ARHGEF28: variants seen among roughly 807,000 people sequenced by gnomAD.
The protein encoded by ARHGEF28 is Rho guanine nucleotide exchange factor 28.
Under a neutral mutation model 206.6 loss-of-function variants are expected in ARHGEF28, and 152 were observed. That is an observed-to-expected ratio of 0.74 (90% CI 0.64 to 0.84). The LOEUF (loss-of-function observed/expected upper bound fraction) is 0.84, where lower values mean the gene tolerates loss of function less well. ARHGEF28 is among the 40% of genes least tolerant of loss of function. The pLI is 0.00. For synonymous variants in ARHGEF28, 763 were observed against 776.4 expected (o/e 0.98, Z 0.29); for missense variants, 2,028 against 2,073.2 (o/e 0.98, Z 0.42).
intron 35 of ARHGEF28, among the ~76,000 whole-genome samples, chr5:73,932,659 C>G (rs1354568230): frequency 6.6e-6 from 1 of 152,012 alleles, no homozygotes; most frequent in Non-Finnish European, 1.5e-5. Context: ...TCTCATGACT[C>G]TAATTATATT....
At chr5:73,826,554 A>G (rs1423922280) in intron 9 of ARHGEF28, among the ~76,000 whole-genome samples, 1 of 152,154 alleles carries the variant, frequency 6.6e-6, no homozygotes, top group Non-Finnish European at 1.5e-5. Context: ...ATAACCAGTC[A>G]AGTAGGCCAC....
intron 9 of ARHGEF28, among the ~76,000 whole-genome samples, chr5:73,819,977 T>C (rs796256788): frequency 2.0e-5 from 3 of 152,324 alleles, no homozygotes; most frequent in African/African-American, 7.2e-5. Context: ...CTCTCGTTAC[T>C]GTATCACAGC....
intron 2 of ARHGEF28, among the ~76,000 whole-genome samples, chr5:73,705,110 C>A (rs955218575): frequency 6.6e-6 from 1 of 152,154 alleles, no homozygotes; most frequent in African/African-American, 2.4e-5. Context: ...CTACTTGTGT[C>A]CTGTGATCTC....
chr5:73,883,710 C>T (rs922631028), intron 23 of ARHGEF28, 57 bp from the exon 24 acceptor site: 1 of 1,133,214 alleles, frequency 8.8e-7, no homozygotes, highest in African/African-American at 1.6e-5. Context: ...GTTACATTCA[C>T]ACCTGAAAAG....
At chr5:73,864,902 T>C (rs1194275916) in intron 17 of ARHGEF28, 30 bp downstream of exon 17, 1 of 1,600,704 alleles carries the variant, frequency 6.2e-7, no homozygotes, top group Non-Finnish European at 8.5e-7. Context: ...TGAATATATA[T>C]GTGGCATGGT....
intron 2 of ARHGEF28, among the ~76,000 whole-genome samples, chr5:73,728,420 T>A (rs959903915): frequency 1.3e-5 from 2 of 152,144 alleles, no homozygotes; most frequent in Non-Finnish European, 2.9e-5. Context: ...TTCTTTCAAG[T>A]CAGATGTGCT....
chr5:73,915,902 A>G (rs1278566385), intron 35 of ARHGEF28, among the ~76,000 whole-genome samples: 1 of 152,234 alleles, frequency 6.6e-6, no homozygotes, highest in Non-Finnish European at 1.5e-5. Flanking sequence ...ATAGGCTAAA[A>G]TGTAAGTCAA....
chr5:73,876,666 C>T (rs1484576227), intron 22 of ARHGEF28, among the ~76,000 whole-genome samples: 729 of 135,552 alleles, frequency 5.4e-3, no homozygotes, highest in African/African-American at 8.2e-3. Context: ...TTTTCTGCAT[C>T]TATTGAGATA....
At chr5:73,659,299 G>A (rs537158387) in intron 1 of ARHGEF28, among the ~76,000 whole-genome samples, 1 of 152,292 alleles carries the variant, frequency 6.6e-6, no homozygotes, top group Non-Finnish European at 1.5e-5. Context: ...GGGAGGCCGA[G>A]GCAGACAGAT....
At chr5:73,802,425 T>G (rs1755194514) in intron 9 of ARHGEF28, among the ~76,000 whole-genome samples, 1 of 152,180 alleles carries the variant, frequency 6.6e-6, no homozygotes, top group African/African-American at 2.4e-5. Context: ...ATTACCTTTT[T>G]CTTTCATTTT....
chr5:73,760,836 G>T (rs1752564297), intron 4 of ARHGEF28, among the ~76,000 whole-genome samples: 1 of 152,042 alleles, frequency 6.6e-6, no homozygotes, highest in Non-Finnish European at 1.5e-5. Flanking sequence ...AACTCTTATT[G>T]AACACATTCT....
chr5:73,852,593 C>A, intron 13 of ARHGEF28, 57 bp from the exon 14 acceptor site: 5 of 1,501,924 alleles, frequency 3.3e-6, no homozygotes, highest in Non-Finnish European at 4.6e-6. Flanking sequence ...TTCAGACTAA[C>A]ATATGACTGC....
chr5:73,865,901 G>A (rs1759673642), intron 17 of ARHGEF28, 64 bp from the exon 18 acceptor site: 11 of 1,158,330 alleles, frequency 9.5e-6, no homozygotes, highest in Non-Finnish European at 1.3e-5. Context: ...GTAACTATGT[G>A]GATATTCTTA....
intron 25 of ARHGEF28, among the ~76,000 whole-genome samples, chr5:73,886,325 T>C (rs553341489): frequency 6.6e-6 from 1 of 152,352 alleles, no homozygotes; most frequent in South Asian, 2.1e-4. Flanking sequence ...ATACATGTTT[T>C]ATGAATTTGC....
intron 4 of ARHGEF28, among the ~76,000 whole-genome samples, chr5:73,760,889 C>T (rs184129784): frequency 6.6e-6 from 1 of 152,282 alleles, no homozygotes; most frequent in East Asian, 1.9e-4. Context: ...AGCAGCTTAA[C>T]TCTTCCTTAA....
At chr5:73,643,281 T>C (rs1171885777) in intron 1 of ARHGEF28, among the ~76,000 whole-genome samples, 4 of 152,236 alleles carry the variant, frequency 2.6e-5, no homozygotes, top group African/African-American at 7.2e-5. Context: ...CTGTGAGTTA[T>C]AATATTTTAG....
At chr5:73,889,990 G>A (rs1416977687) in intron 26 of ARHGEF28, among the ~76,000 whole-genome samples, 7 of 152,192 alleles carry the variant, frequency 4.6e-5, no homozygotes, top group Non-Finnish European at 1.0e-4. Flanking sequence ...AACTTTGTTT[G>A]TTAAATGCCG....
intron 4 of ARHGEF28, among the ~76,000 whole-genome samples, chr5:73,765,967 A>T (rs1752872486): frequency 6.6e-6 from 1 of 152,190 alleles, no homozygotes. Flanking sequence ...CTTGGCTAAC[A>T]TGGTGAAACC....
At chr5:73,845,506 C>A (rs914868373) in intron 11 of ARHGEF28, among the ~76,000 whole-genome samples, 6 of 152,140 alleles carry the variant, frequency 3.9e-5, no homozygotes, top group African/African-American at 1.4e-4. Flanking sequence ...GAGAATGACA[C>A]TTCTGCAGCT....
Sources: allele counts gnomAD v4.1 joint callset (sites outside exome capture counted in the v4.1 genomes callset), GRCh38; gene constraint gnomAD v4.1.1; transcripts MANE v1.5; gene names NCBI Gene and HGNC (gene_info 2026-07-23, HGNC 2026-07-21).